Variants in SCARB2 observed in about 807,000 individuals in gnomAD.
SCARB2 encodes lysosome membrane protein 2.
In SCARB2, 29 loss-of-function variants were observed where a neutral mutation model predicts 58.6. The ratio of observed to expected loss-of-function variants is 0.49; its 90% CI spans 0.37 to 0.67. SCARB2 has a LOEUF of 0.67. Ranked by LOEUF, SCARB2 falls within the 30% of genes least tolerant of loss-of-function variation. The probability of loss-of-function intolerance (pLI) is 0.00; values close to 1 mark genes in which losing one functional copy is unlikely to be tolerated. For missense variants in SCARB2, 488 were observed against 578.5 expected (o/e 0.84, Z 1.60); for synonymous variants, 195 against 210.1 (o/e 0.93, Z 0.62).
intron 11 of SCARB2, 81 bp from the exon 12 acceptor site, chr4:76,161,832 G>A (rs768844819): frequency 7.3e-7 from 1 of 1,373,026 alleles, no homozygotes; most frequent in East Asian, 2.3e-5. Flanking sequence ...GGTGGGGAGT[G>A]GGGGCATGGA....
intron 2 of SCARB2, chr4:76,194,841 C>G (rs147876571): frequency 1.3e-5 from 2 of 152,108 alleles, no homozygotes; most frequent in East Asian, 3.9e-4. Flanking sequence ...CTCTACTAAT[C>G]GTTTAAAAAT....
intron 1 of SCARB2, among the ~76,000 whole-genome samples, chr4:76,225,570 G>A (rs769861182): frequency 5.9e-5 from 9 of 152,090 alleles, no homozygotes; most frequent in Admixed American, 2.0e-4. Flanking sequence ...CTTCTATTTC[G>A]ATTTTACCAG....
intron 1 of SCARB2, among the ~76,000 whole-genome samples, chr4:76,232,359 T>C (rs555742023): frequency 6.6e-6 from 1 of 152,328 alleles, no homozygotes; most frequent in East Asian, 1.9e-4. Flanking sequence ...TCCAAAGTTA[T>C]CAGAAGCCTG....
At chr4:76,201,133 CCACCA>C (rs754954520) in intron 1 of SCARB2, among the ~76,000 whole-genome samples, 2 of 152,170 alleles carry the variant, frequency 1.3e-5, no homozygotes, top group African/African-American at 2.4e-5. Flanking sequence ...TACCTAGCAC[CCACCA>C]CACAAGTTCT....
chr4:76,173,796 A>G, intron 7 of SCARB2: 1 of 318,634 alleles, frequency 3.1e-6, no homozygotes, highest in Non-Finnish European at 6.0e-6. Context: ...CCAGAAAAAA[A>G]AACACAACAT....
intron 2 of SCARB2, chr4:76,184,835 A>G (rs1049888303): frequency 1.4e-5 from 5 of 347,392 alleles, no homozygotes; most frequent in Non-Finnish European, 2.7e-5. Flanking sequence ...AGTAAAAGAC[A>G]GGATTCCTCC....
At chr4:76,220,612 G>C (rs1358757796) in intron 1 of SCARB2, among the ~76,000 whole-genome samples, 2 of 152,344 alleles carry the variant, frequency 1.3e-5, no homozygotes, top group East Asian at 3.9e-4. Flanking sequence ...GACAGAGCTA[G>C]ATCCTGTCTC....
intron 1 of SCARB2, among the ~76,000 whole-genome samples, chr4:76,209,030 C>T (rs1164862153): frequency 6.6e-6 from 1 of 152,176 alleles, no homozygotes; most frequent in Admixed American, 6.5e-5. Context: ...CTAGCTGGCA[C>T]GCTCTCTCCT....
chr4:76,174,650 G>A (rs1178095574), intron 6 of SCARB2: 1 of 309,344 alleles, frequency 3.2e-6, no homozygotes. Flanking sequence ...CAGTGTGGAC[G>A]GGCCACCGGC....
intron 7 of SCARB2, among the ~76,000 whole-genome samples, 189 bp from the exon 8 acceptor site, chr4:76,170,174 C>G (rs912270871): frequency 6.6e-6 from 1 of 152,198 alleles, no homozygotes; most frequent in Non-Finnish European, 1.5e-5. Flanking sequence ...TTTCTGACAT[C>G]TCATTTACCC....
At chr4:76,181,397 T>C (rs1732381730) in intron 2 of SCARB2, among the ~76,000 whole-genome samples, 1 of 152,216 alleles carries the variant, frequency 6.6e-6, no homozygotes, top group Non-Finnish European at 1.5e-5. Context: ...ATGAACTCTC[T>C]CCTGGGTTAT....
intron 6 of SCARB2, chr4:76,174,570 A>G: frequency 2.2e-6 from 1 of 450,148 alleles, no homozygotes; most frequent in East Asian, 4.6e-5. Flanking sequence ...AATTAAGATG[A>G]TAACATTTAG....
intron 2 of SCARB2, among the ~76,000 whole-genome samples, chr4:76,187,813 CAT>C (rs908612384): frequency 6.6e-6 from 1 of 151,882 alleles, no homozygotes; most frequent in Admixed American, 6.6e-5. Flanking sequence ...ATATGGAACA[CAT>C]ATATATGTGT....
At chr4:76,225,139 T>C (rs1733372726) in intron 1 of SCARB2, among the ~76,000 whole-genome samples, 1 of 152,146 alleles carries the variant, frequency 6.6e-6, no homozygotes, top group Admixed American at 6.5e-5. Context: ...TATGGCTGAG[T>C]AGTATTCCAT....
In SCARB2 at chr4:76,176,473, A is replaced by C; in HGVS notation, c.668T>G (p.Leu223Arg). 1 of 1,612,660 alleles carries C rather than the reference A, an allele frequency of 6.2e-7. No individual in the cohort carries two copies. Among genetic ancestry groups the C allele is most frequent in the Non-Finnish European group, 8.5e-7 (1 of 1,179,228 alleles). ...CCATTCCACAATTTTTGTAAAGTTA[A>C]GGTAACTGTCTTCTCCAGTTAGAAA... ...YVFLTGEDSYLNFTKIVEWNG... is the reference protein window; with the variant it reads ...YVFLTGEDSYRNFTKIVEWNG... Residue 223 changes from leucine to arginine, a missense_variant, in exon 5 of 12, where the codon CTT becomes CGT. Transcript: ENST00000264896.
At chr4:76,221,695 A>C (rs1733310923) in intron 1 of SCARB2, among the ~76,000 whole-genome samples, 1 of 152,236 alleles carries the variant, frequency 6.6e-6, no homozygotes, top group Non-Finnish European at 1.5e-5. Context: ...TTAGCTAAAG[A>C]GCTAAGCATC....
At chr4:76,214,253 C>T (rs1733156094), upstream of SCARB2, 1 of 455,502 alleles carries the variant, frequency 2.2e-6, no homozygotes, top group Non-Finnish European at 4.4e-6. Context: ...GCAAGTGCTT[C>T]TACCAGGTGC....
intron 2 of SCARB2, chr4:76,194,932 T>C (rs940010380): frequency 2.6e-5 from 4 of 152,146 alleles, no homozygotes; most frequent in African/African-American, 9.7e-5. Flanking sequence ...TACTTGCTTA[T>C]TGCTTATACG....
chr4:76,188,949 T>C lies in SCARB2; in HGVS notation c.275+6758A>G, dbSNP rs367949071. The stretch of plus-strand genomic sequence containing the variant: ...GCCTGATTCCCCTTTCTTGAACCTA[T>C]ATTTGGGTTTCCTGAACTAAGTCCT... On this transcript the variant is annotated intron_variant, in intron 2 of 11. Transcript: ENST00000264896. 2.0e-5 allele frequency among the ~76,000 whole-genome samples: 3 copies of C among 152,226 alleles called. No individual in the cohort carries two copies. In the East Asian group the frequency reaches 5.8e-4, roughly 29 times the overall value.
Sources: gnomAD v4.1 joint callset for allele counts (sites outside exome capture counted in the v4.1 genomes callset) on GRCh38, gnomAD v4.1.1 for gene constraint, MANE v1.5 for transcripts, NCBI Gene and HGNC (gene_info 2026-07-23, HGNC 2026-07-21) for gene names.